Variants in NCKAP5 observed in about 807,000 individuals in gnomAD.
The protein encoded by NCKAP5 is NCK associated protein 5.
A neutral mutation model predicts 167.0 loss-of-function variants in NCKAP5; 92 were observed. The observed-to-expected ratio is 0.55, with a 90% CI of 0.47 to 0.66. NCKAP5 has a LOEUF of 0.66. Ranked by LOEUF, NCKAP5 falls within the 30% of genes least tolerant of loss-of-function variation. NCKAP5 has a pLI of 0.00. For synonymous variants in NCKAP5, 891 were observed against 877.4 expected, an observed-to-expected ratio of 1.02 and a Z score of -0.27; for missense variants, 2,378 against 2,315.0, an observed-to-expected ratio of 1.03 and a Z score of -0.56.
intron 16 of NCKAP5, among the ~76,000 whole-genome samples, chr2:132,773,303 T>C (rs557663795): frequency 1.6e-4 from 24 of 152,328 alleles, no homozygotes; most frequent in African/African-American, 5.0e-4. Context: ...TTCAAGGTTA[T>C]GTACAATTTT....
At chr2:133,161,141 G>A (rs1350534974) in intron 5 of NCKAP5, among the ~76,000 whole-genome samples, 2 of 152,142 alleles carry the variant, frequency 1.3e-5, no homozygotes, top group Non-Finnish European at 2.9e-5. Context: ...CCCTCCTTAT[G>A]AGAATCTAAT....
chr2:132,956,516 C>G (rs183883180), intron 8 of NCKAP5, among the ~76,000 whole-genome samples: 2 of 152,320 alleles, frequency 1.3e-5, no homozygotes, highest in Non-Finnish European at 2.9e-5. Context: ...CTCATTCTTG[C>G]ATTCATACTT....
intron 4 of NCKAP5, among the ~76,000 whole-genome samples, chr2:133,219,898 AT>A (rs2086587687): frequency 6.6e-6 from 1 of 152,190 alleles, no homozygotes. Context: ...TTAAAAATAA[AT>A]GGCCCTGTCT....
intron 6 of NCKAP5, among the ~76,000 whole-genome samples, chr2:133,036,216 G>A (rs2079036420): frequency 6.6e-6 from 1 of 151,900 alleles, no homozygotes; most frequent in Non-Finnish European, 1.5e-5. Flanking sequence ...GGGACCCGAT[G>A]GCTTCACTGC....
intron 5 of NCKAP5, among the ~76,000 whole-genome samples, chr2:133,184,410 T>C (rs2084858692): frequency 6.6e-6 from 1 of 152,200 alleles, no homozygotes; most frequent in Non-Finnish European, 1.5e-5. Flanking sequence ...TTATTGTGAA[T>C]AGTGCTGTGA....
chr2:132,950,911 A>G (rs1574744499), intron 8 of NCKAP5, among the ~76,000 whole-genome samples: 1 of 152,166 alleles, frequency 6.6e-6, no homozygotes, highest in Non-Finnish European at 1.5e-5. Context: ...AAAACAAAAC[A>G]GAAACAGAAA....
rs375025314 is a variant in NCKAP5 at position 132,847,545 on chromosome 2, G to A, written c.807+12947C>T. Among the ~76,000 whole-genome samples, 42 of 152,146 alleles carry A rather than the reference G, an allele frequency of 2.8e-4. No homozygotes were observed. In the East Asian group the frequency reaches 5.4e-3, roughly 20 times the overall value. On this transcript the variant is annotated intron_variant, in intron 11 of 19. Transcript: ENST00000409261. ...ACTAGACAGATATACACATATCATC[G>A]CTTTTGGCAATGCTGCATTAGTACG...
the NCKAP5 span, among the ~76,000 whole-genome samples, chr2:133,649,691 C>T: frequency 3.0e-4 from 45 of 152,166 alleles, no homozygotes; most frequent in African/African-American, 1.0e-3. Context: ...TTCAACACCT[C>T]TTAATGATAA....
chr2:132,876,557 C>A (rs1691294852), intron 9 of NCKAP5, among the ~76,000 whole-genome samples: 1 of 152,318 alleles, frequency 6.6e-6, no homozygotes, highest in South Asian at 2.1e-4. Context: ...CATTCAACTA[C>A]CCCATTGAGA....
chr2:133,207,304 G>T (rs1441647202), intron 5 of NCKAP5, among the ~76,000 whole-genome samples: 1 of 152,106 alleles, frequency 6.6e-6, no homozygotes, highest in African/African-American at 2.4e-5. Flanking sequence ...AGGGAAAATA[G>T]AAAGGACCTA....
At chr2:133,437,150 A>G (rs1023460136) in intron 3 of NCKAP5, among the ~76,000 whole-genome samples, 3 of 152,184 alleles carry the variant, frequency 2.0e-5, no homozygotes, top group African/African-American at 7.2e-5. Flanking sequence ...TCAGAAGATC[A>G]AGAGCATCCT....
chr2:132,824,408 C>T (rs781063859), intron 11 of NCKAP5, among the ~76,000 whole-genome samples: 1 of 152,166 alleles, frequency 6.6e-6, no homozygotes, highest in Non-Finnish European at 1.5e-5. Context: ...ACATCTAGAG[C>T]CATATCTGTC....
intron 6 of NCKAP5, among the ~76,000 whole-genome samples, chr2:133,085,577 C>A (rs1371416569): frequency 2.0e-5 from 3 of 152,060 alleles, no homozygotes; most frequent in African/African-American, 2.4e-5. Context: ...AAAAAAGCTG[C>A]CAGTTCCTTT....
At chr2:132,917,360 T>C (rs900707484) in intron 8 of NCKAP5, among the ~76,000 whole-genome samples, 2 of 152,234 alleles carry the variant, frequency 1.3e-5, no homozygotes, top group African/African-American at 2.4e-5. Context: ...CTGCTCATCA[T>C]AATTTACACT....
chr2:133,220,552 T>C (rs1203724321), intron 4 of NCKAP5, among the ~76,000 whole-genome samples: 1 of 152,194 alleles, frequency 6.6e-6, no homozygotes, highest in East Asian at 1.9e-4. Context: ...AGGTTTTATA[T>C]ATTCTTATAT....
chr2:133,658,418 T>C, the NCKAP5 span, among the ~76,000 whole-genome samples: 3 of 152,136 alleles, frequency 2.0e-5, no homozygotes, highest in Non-Finnish European at 2.9e-5. Flanking sequence ...ATCGAGAGGA[T>C]GAAAAATAAA....
At chr2:132,911,550 C>T (rs1694452379) in intron 8 of NCKAP5, among the ~76,000 whole-genome samples, 1 of 152,124 alleles carries the variant, frequency 6.6e-6, no homozygotes, top group Non-Finnish European at 1.5e-5. Context: ...TGGTGAACTC[C>T]CTATGTGATA....
At chr2:133,028,383 C>T (rs1280865143) in intron 6 of NCKAP5, among the ~76,000 whole-genome samples, 1 of 152,126 alleles carries the variant, frequency 6.6e-6, no homozygotes, top group Non-Finnish European at 1.5e-5. Flanking sequence ...TTAGAATAAT[C>T]ACTATAACTA....
At chr2:133,311,217 A>G (rs1004392094) in intron 3 of NCKAP5, among the ~76,000 whole-genome samples, 3 of 152,190 alleles carry the variant, frequency 2.0e-5, no homozygotes, top group Admixed American at 6.5e-5. Context: ...CCACCACAAC[A>G]TCCTCAAGCT....
Sources: gnomAD v4.1 joint callset for allele counts (sites outside exome capture counted in the v4.1 genomes callset) on GRCh38, gnomAD v4.1.1 for gene constraint, MANE v1.5 for transcripts, NCBI Gene and HGNC (gene_info 2026-07-23, HGNC 2026-07-21) for gene names.